SLC39A11: variants seen among roughly 807,000 people sequenced by gnomAD.
The protein encoded by SLC39A11 is solute carrier family 39 member 11, also known as zinc transporter ZIP11.
SLC39A11 carries 33 observed loss-of-function variants against 36.1 expected under a neutral mutation model. The observed-to-expected ratio is 0.91, with a 90% confidence interval of 0.69 to 1.22. The LOEUF is 1.22. Among genes scored for constraint, SLC39A11 ranks in the 50% most tolerant of loss-of-function variants. SLC39A11 has a pLI of 0.00. For missense variants in SLC39A11, 432 were observed against 430.3 expected, an observed-to-expected ratio of 1.00 and a Z score of -0.03; for synonymous variants, 166 against 170.3, an observed-to-expected ratio of 0.97 and a Z score of 0.20.
intron 6 of SLC39A11, among the ~76,000 whole-genome samples, chr17:72,766,261 T>C (rs1210069482): frequency 6.6e-6 from 1 of 152,122 alleles, no homozygotes; most frequent in Non-Finnish European, 1.5e-5. Context: ...GTCACTGTCA[T>C]CCCTTGTTAA....
chr17:72,897,425 G>C (rs2082088265), intron 5 of SLC39A11, among the ~76,000 whole-genome samples: 1 of 152,174 alleles, frequency 6.6e-6, no homozygotes, highest in African/African-American at 2.4e-5. Context: ...ATCTGTACTG[G>C]ATGGTACAAA....
At chr17:73,018,467 GAACCT>G (rs2058240815) in intron 4 of SLC39A11, among the ~76,000 whole-genome samples, 1 of 151,990 alleles carries the variant, frequency 6.6e-6, no homozygotes, top group Non-Finnish European at 1.5e-5. Context: ...AGAATCACTT[GAACCT>G]AGGCAGCAGA....
intron 6 of SLC39A11, among the ~76,000 whole-genome samples, chr17:72,768,145 A>G (rs916920819): frequency 1.5e-4 from 23 of 152,186 alleles, no homozygotes; most frequent in Admixed American, 2.6e-4. Flanking sequence ...ACCTGAAAAG[A>G]TATCTCAAAG....
At chr17:72,657,099 C>G (rs1029136432) in intron 7 of SLC39A11, among the ~76,000 whole-genome samples, 11 of 152,198 alleles carry the variant, frequency 7.2e-5, no homozygotes, top group Non-Finnish European at 1.6e-4. Context: ...CGGTGGCTCA[C>G]GCCTGTAATC....
chr17:72,851,093 G>A (rs34149198), intron 5 of SLC39A11, among the ~76,000 whole-genome samples: 4 of 152,074 alleles, frequency 2.6e-5, no homozygotes, highest in Non-Finnish European at 5.9e-5. Flanking sequence ...AAACCATGCA[G>A]CTAGACAGGA....
At position 73,031,844 on chromosome 17, in the gene SLC39A11, T is replaced by C. The variant is rs552583031; in HGVS notation, c.148-130A>G. 10 of 941,718 alleles carry C rather than the reference T, an allele frequency of 1.1e-5. No individual in the cohort carries two copies. The South Asian group carries it at 1.3e-4, about 12-fold the overall frequency. The allele number at this position is 941,718 out of a possible 1,614,324, so 58.3% of individuals were successfully genotyped here. ...CATGAGTTCAGTCTTTCGTCCCAGGTTGGGAGGTACTATCAGAAACCAAAA... is the reference window on the plus strand; with the variant it reads ...CATGAGTTCAGTCTTTCGTCCCAGGCTGGGAGGTACTATCAGAAACCAAAA... On this transcript the variant is annotated intron_variant, in intron 3 of 9. Coordinates refer to ENST00000255559, the MANE Select transcript of SLC39A11 (RefSeq NM_139177.4).
chr17:73,088,091 G>A (rs961207454), intron 2 of SLC39A11, among the ~76,000 whole-genome samples: 26 of 152,126 alleles, frequency 1.7e-4, no homozygotes, highest in African/African-American at 5.8e-4. Flanking sequence ...GATCATCTGA[G>A]GTCAGGAGTT....
chr17:73,061,498 A>C (rs1334409506), intron 3 of SLC39A11, among the ~76,000 whole-genome samples: 1 of 152,244 alleles, frequency 6.6e-6, no homozygotes, highest in East Asian at 1.9e-4. Flanking sequence ...GAAATTGTTA[A>C]GATATAGAAG....
intron 6 of SLC39A11, among the ~76,000 whole-genome samples, chr17:72,830,619 C>T (rs16977406): frequency 0.021 from 3,226 of 152,176 alleles, 72 homozygotes; most frequent in African/African-American, 0.059. Flanking sequence ...ACAGGGCACA[C>T]TTTGGAACTA....
At chr17:73,007,316 G>T (rs2090241759) in intron 4 of SLC39A11, among the ~76,000 whole-genome samples, 1 of 152,178 alleles carries the variant, frequency 6.6e-6, no homozygotes, top group African/African-American at 2.4e-5. Flanking sequence ...AGCTACTCAG[G>T]AGGCTGAGGA....
intron 5 of SLC39A11, among the ~76,000 whole-genome samples, chr17:72,852,889 G>C (rs933025388): frequency 1.3e-5 from 2 of 152,186 alleles, no homozygotes; most frequent in Non-Finnish European, 2.9e-5. Context: ...CTTTCTCCTA[G>C]ATCAGTCAGC....
At chr17:72,882,804 T>TTTTTTC (rs1385682276) in intron 5 of SLC39A11, among the ~76,000 whole-genome samples, 1 of 147,596 alleles carries the variant, frequency 6.8e-6, no homozygotes, top group Non-Finnish European at 1.5e-5. Context: ...CTTCTTTTTT[T>TTTTTTC]TTTTTTTTTT....
chr17:72,789,827 C>T (rs1022000099), intron 6 of SLC39A11, among the ~76,000 whole-genome samples: 2 of 152,188 alleles, frequency 1.3e-5, no homozygotes, highest in African/African-American at 4.8e-5. Flanking sequence ...TCTGTGGGTA[C>T]GTATGGGTGT....
At chr17:72,835,177 A>G (rs1368985466) in intron 6 of SLC39A11, among the ~76,000 whole-genome samples, 1 of 152,252 alleles carries the variant, frequency 6.6e-6, no homozygotes, top group Non-Finnish European at 1.5e-5. Context: ...GCTAATTATA[A>G]TGTCAGGCTT....
intron 5 of SLC39A11, among the ~76,000 whole-genome samples, chr17:72,939,922 C>G (rs114220603): frequency 1.0e-3 from 154 of 152,278 alleles, no homozygotes; most frequent in African/African-American, 3.6e-3. Flanking sequence ...ACCAGTTGAG[C>G]ATCCCAAATC....
intron 6 of SLC39A11, among the ~76,000 whole-genome samples, chr17:72,825,473 T>C (rs895831764): frequency 6.6e-6 from 1 of 151,748 alleles, no homozygotes; most frequent in East Asian, 1.9e-4. Flanking sequence ...CAGAGGAGAG[T>C]GTGGCATTTG....
chr17:72,876,836 C>A (rs79857655), intron 5 of SLC39A11, among the ~76,000 whole-genome samples: 6,963 of 152,258 alleles, frequency 0.046, 446 homozygotes, highest in East Asian at 0.28. Flanking sequence ...CCTTTCCTGG[C>A]AGTACCCACT....
chr17:72,969,303 G>A (rs1349819827), intron 4 of SLC39A11, among the ~76,000 whole-genome samples: 1 of 152,102 alleles, frequency 6.6e-6, no homozygotes, highest in Non-Finnish European at 1.5e-5. Flanking sequence ...GGGCTGTAAT[G>A]TGCGGAGGGA....
chr17:72,708,224 T>A (rs2072972750), intron 7 of SLC39A11, among the ~76,000 whole-genome samples: 1 of 152,208 alleles, frequency 6.6e-6, no homozygotes, highest in South Asian at 2.1e-4. Context: ...GGCTTTTGGA[T>A]GAGATAAGCA....
Sources: allele counts gnomAD v4.1 joint callset (sites outside exome capture counted in the v4.1 genomes callset), GRCh38; gene constraint gnomAD v4.1.1; transcripts MANE v1.5; gene names NCBI Gene and HGNC (gene_info 2026-07-23, HGNC 2026-07-21).